Variants in ACCSL observed in about 807,000 individuals in gnomAD.
The protein encoded by ACCSL is probable inactive 1-aminocyclopropane-1-carboxylate synthase-like protein 2.
In ACCSL, 55 loss-of-function variants were observed where a neutral mutation model predicts 61.7. The observed-to-expected ratio is 0.89, with a 90% confidence interval of 0.72 to 1.12. The LOEUF (loss-of-function observed/expected upper bound fraction) is 1.12, where lower values mean the gene tolerates loss of function less well. ACCSL is among the 50% of genes most tolerant of loss of function. The pLI is 0.00. For synonymous variants in ACCSL, 258 were observed against 264.3 expected, an observed-to-expected ratio of 0.98 and a Z score of 0.23; for missense variants, 632 against 698.0, an observed-to-expected ratio of 0.91 and a Z score of 1.07.
At chr11:43,934,328 A>G in the ACCSL span, among the ~76,000 whole-genome samples, 7 of 152,136 alleles carry the variant, frequency 4.6e-5, no homozygotes, top group Non-Finnish European at 1.0e-4. Context: ...CTGGGGGTGG[A>G]GTGCGCACCA....
At chr11:44,039,622 C>G in the ACCSL span, among the ~76,000 whole-genome samples, 1 of 152,126 alleles carries the variant, frequency 6.6e-6, no homozygotes, top group South Asian at 2.1e-4. Context: ...CTCATGTAAC[C>G]AAACACAGCC....
the ACCSL span, among the ~76,000 whole-genome samples, chr11:43,983,184 C>T: frequency 1.3e-5 from 2 of 152,182 alleles, no homozygotes; most frequent in Non-Finnish European, 2.9e-5. Context: ...GTCTCTCCAG[C>T]AAGCTCTCAA....
chr11:44,057,062 T>A (rs1304253506), intron 11 of ACCSL, among the ~76,000 whole-genome samples: 1 of 152,216 alleles, frequency 6.6e-6, no homozygotes, highest in African/African-American at 2.4e-5. Flanking sequence ...TAATACAACA[T>A]AATCTCATCT....
chr11:44,049,155 C>G (rs1043895556), intron 1 of ACCSL, among the ~76,000 whole-genome samples: 5 of 152,222 alleles, frequency 3.3e-5, no homozygotes, highest in Admixed American at 6.5e-5. Context: ...CGTGGTGGCT[C>G]ATGCCTGTAA....
the ACCSL span, among the ~76,000 whole-genome samples, chr11:43,950,531 C>T: frequency 6.6e-6 from 1 of 152,226 alleles, no homozygotes; most frequent in Non-Finnish European, 1.5e-5. Flanking sequence ...ATTGATTTTT[C>T]CCTTCCTCCA....
At chr11:43,982,878 G>A in the ACCSL span, among the ~76,000 whole-genome samples, 123 of 152,320 alleles carry the variant, frequency 8.1e-4, no homozygotes, top group African/African-American at 2.7e-3. Flanking sequence ...AGGCAGGAGT[G>A]GTCAGAGGAG....
At chr11:44,000,010 G>A in the ACCSL span, among the ~76,000 whole-genome samples, 71 of 152,354 alleles carry the variant, frequency 4.7e-4, no homozygotes, top group Non-Finnish European at 7.8e-4. Context: ...CAAGCACGGT[G>A]TATCATGACT....
the ACCSL span, among the ~76,000 whole-genome samples, chr11:44,041,137 T>G: frequency 6.6e-6 from 1 of 152,246 alleles, no homozygotes; most frequent in Non-Finnish European, 1.5e-5. Flanking sequence ...ATATTGTGGT[T>G]CAGAGAATTC....
chr11:43,963,606 A>G, the ACCSL span, among the ~76,000 whole-genome samples: 73,155 of 152,070 alleles, frequency 0.48, 17,857 homozygotes, highest in Non-Finnish European at 0.53. Context: ...AGAAAGATAG[A>G]GTTGTGTTTT....
At chr11:44,010,196 C>T in the ACCSL span, among the ~76,000 whole-genome samples, 4 of 152,124 alleles carry the variant, frequency 2.6e-5, no homozygotes, top group Admixed American at 2.6e-4. Context: ...CAAAATTAGC[C>T]AGGCATGGTG....
At chr11:44,058,177 G>GTT in intron 11 of ACCSL, 140 bp from the exon 12 acceptor site, 1 of 1,109,540 alleles carries the variant, frequency 9.0e-7, no homozygotes, top group Non-Finnish European at 1.3e-6. Flanking sequence ...TGGTTTTTTT[G>GTT]TTTTTTTTAA....
At chr11:43,964,595 C>T in the ACCSL span, among the ~76,000 whole-genome samples, 1,760 of 152,146 alleles carry the variant, frequency 0.012, 33 homozygotes, top group African/African-American at 0.039. Context: ...GAACACTTTC[C>T]GACTCATTCT....
chr11:43,935,229 G>A, the ACCSL span, among the ~76,000 whole-genome samples: 1 of 152,226 alleles, frequency 6.6e-6, no homozygotes, highest in Non-Finnish European at 1.5e-5. Flanking sequence ...AATGGTTCAA[G>A]GCCACAGAGT....
Position 44,050,904 on chromosome 11 carries a change from C to G in ACCSL, c.635+282C>G, listed in dbSNP as rs572647414. Among the ~76,000 whole-genome samples, 36 of 144,940 alleles carry G rather than the reference C, an allele frequency of 2.5e-4. 2 individuals carry two copies. The highest frequency in any genetic ancestry group is 1.3e-3 in the South Asian group (6 of 4,608). ...TCACCCAGACTGGAGTGCAGTGGTG[C>G]TATCTCAGCTCACTGCAGGCTCTGC... is the stretch of plus-strand genomic sequence containing the variant. On this transcript the variant is annotated intron_variant, in intron 3 of 13. Coordinates refer to ENST00000378832, the MANE Select transcript of ACCSL (RefSeq NM_001031854.2).
intron 1 of ACCSL, among the ~76,000 whole-genome samples, chr11:44,049,819 G>C (rs1952624573): frequency 6.6e-6 from 1 of 152,150 alleles, no homozygotes; most frequent in African/African-American, 2.4e-5. Context: ...TCTAGTATCT[G>C]GTACATAATA....
At chr11:43,978,755 G>C in the ACCSL span, among the ~76,000 whole-genome samples, 1 of 131,512 alleles carries the variant, frequency 7.6e-6, no homozygotes, top group African/African-American at 2.8e-5. Context: ...CAGTGAAATA[G>C]AATTTCCTGA....
chr11:43,999,807 G>A, the ACCSL span, among the ~76,000 whole-genome samples: 1 of 152,022 alleles, frequency 6.6e-6, no homozygotes, highest in Non-Finnish European at 1.5e-5. Context: ...GGTATAATCT[G>A]CTCTCAGTAT....
the ACCSL span, among the ~76,000 whole-genome samples, chr11:44,027,693 A>G: frequency 1.3e-5 from 2 of 152,210 alleles, no homozygotes; most frequent in African/African-American, 4.8e-5. Flanking sequence ...TTCTAAGCCC[A>G]TGCCTCTCCA....
chr11:43,924,529 G>A, the ACCSL span, among the ~76,000 whole-genome samples: 5 of 152,258 alleles, frequency 3.3e-5, no homozygotes, highest in African/African-American at 1.2e-4. Flanking sequence ...AGTGGGACAG[G>A]GACCTGGAGG....
Sources: gnomAD v4.1 joint callset for allele counts (sites outside exome capture counted in the v4.1 genomes callset) on GRCh38, gnomAD v4.1.1 for gene constraint, MANE v1.5 for transcripts, NCBI Gene and HGNC (gene_info 2026-07-23, HGNC 2026-07-21) for gene names.